TIMP2: variants seen among roughly 807,000 people sequenced by gnomAD.
The protein encoded by TIMP2 is TIMP metallopeptidase inhibitor 2, also known as metalloproteinase inhibitor 2.
Under a neutral mutation model 24.3 loss-of-function variants are expected in TIMP2, and 5 were observed. The observed-to-expected ratio is 0.21, with a 90% confidence interval of 0.11 to 0.43. The LOEUF is 0.43. TIMP2 is among the 20% of genes least tolerant of loss of function. The pLI is 1.00. For synonymous variants in TIMP2, 130 were observed against 123.2 expected (o/e 1.06, Z -0.37); for missense variants, 221 against 297.5 (o/e 0.74, Z 1.89).
intron 1 of TIMP2, among the ~76,000 whole-genome samples, chr17:78,874,665 T>A (rs2069713980): frequency 6.6e-6 from 1 of 152,046 alleles, no homozygotes; most frequent in East Asian, 1.9e-4. Flanking sequence ...GCAACCTCTA[T>A]CTCCCAGGTT....
At chr17:78,875,442 A>G (rs1018005451) in intron 1 of TIMP2, among the ~76,000 whole-genome samples, 10 of 152,278 alleles carry the variant, frequency 6.6e-5, no homozygotes, top group Non-Finnish European at 8.8e-5. Context: ...GCTTTCTCCT[A>G]GCAATTAAGC....
chr17:78,892,096 A>T (rs1282984860), intron 1 of TIMP2: 1 of 1,551,684 alleles, frequency 6.4e-7, no homozygotes. Context: ...AGCCCAACAG[A>T]CGTGCTGACT....
intron 1 of TIMP2, among the ~76,000 whole-genome samples, chr17:78,876,822 C>T (rs1408380345): frequency 1.3e-5 from 2 of 152,140 alleles, no homozygotes; most frequent in Non-Finnish European, 2.9e-5. Flanking sequence ...CCACCACACC[C>T]AGCCTGAACA....
chr17:78,898,742 C>T (rs2070041777), intron 1 of TIMP2: 1 of 152,050 alleles, frequency 6.6e-6, no homozygotes, highest in Non-Finnish European at 1.5e-5. Context: ...TTTTTCTTTT[C>T]TTTTTTCTTT....
chr17:78,879,787 C>G (rs1006938651), intron 1 of TIMP2, among the ~76,000 whole-genome samples: 1 of 152,178 alleles, frequency 6.6e-6, no homozygotes, highest in Non-Finnish European at 1.5e-5. Flanking sequence ...CTGGAATGTA[C>G]AACCGTCGGC....
intron 1 of TIMP2, among the ~76,000 whole-genome samples, chr17:78,914,294 T>C (rs1273601593): frequency 1.3e-5 from 2 of 151,712 alleles, no homozygotes; most frequent in African/African-American, 4.9e-5. Flanking sequence ...TATTTATTTA[T>C]TTGAGATGGA....
chr17:78,874,013 C>G, intron 1 of TIMP2, 94 bp from the exon 2 acceptor site: 1 of 1,184,718 alleles, frequency 8.4e-7, no homozygotes. Context: ...GCGGGAGGTG[C>G]TGGGGGGTTA....
chr17:78,874,931 G>T (rs550798942), intron 1 of TIMP2, among the ~76,000 whole-genome samples: 18 of 152,232 alleles, frequency 1.2e-4, no homozygotes, highest in African/African-American at 4.1e-4. Context: ...AGTAGAGAAA[G>T]CGTTTCGCCA....
In TIMP2 at chr17:78,855,889, A is replaced by C; in HGVS notation, c.466-25T>G. ...TCTGGGGAGGGGCACACGGAGGGGG[A>C]CGGAGTCAGGGACCCAGGAAGGGGT... On this transcript the variant is annotated intron_variant, in intron 4 of 4. Transcript: ENST00000262768. This position sits in a 1 kb window ranked among gnomAD's most constrained non-coding sequence, Gnocchi z 6.0. 6.2e-7 allele frequency: 1 copy of C among 1,610,628 alleles called. No individual in the cohort carries two copies. The highest frequency in any genetic ancestry group is 8.5e-7 in the Non-Finnish European group (1 of 1,177,896).
chr17:78,856,231 C>T (rs2069523942), intron 4 of TIMP2: 1 of 257,268 alleles, frequency 3.9e-6, no homozygotes. Context: ...CAGTGTTGCT[C>T]GCAAGCCGAG....
In TIMP2 at chr17:78,920,322, G is replaced by A. The variant is rs1051353085; in HGVS notation, c.130+4637C>T. ...CCAAGCCCACCTGCAGCTCACAAAC[G>A]ACAGGCCAGGACTGCGTACGTGGCT... On this transcript the variant is annotated intron_variant, in intron 1 of 4. Coordinates refer to ENST00000262768, the MANE Select transcript of TIMP2 (RefSeq NM_003255.5). The surrounding 1 kb of genome is among the most constrained non-coding windows in gnomAD (Gnocchi z 4.5). Among the ~76,000 whole-genome samples the A allele has an allele frequency of 1.3e-5, 2 of 152,202 alleles. No individual in the cohort carries two copies. Among genetic ancestry groups the A allele is most frequent in the African/African-American group, 2.4e-5 (1 of 41,450 alleles).
At position 78,853,333 on chromosome 17, in the gene TIMP2, A is replaced by G. The variant is rs2069498990; in HGVS notation, c.*2334T>C. On this transcript the variant is annotated 3_prime_UTR_variant, in exon 5 of 5. Transcript: ENST00000262768. ...GCTGTGCTTAGAACATAACATATAAATTAAACGATGCCAAATGGAGAGCCT... is the reference window on the plus strand; with the variant it reads ...GCTGTGCTTAGAACATAACATATAAGTTAAACGATGCCAAATGGAGAGCCT... 6.6e-6 allele frequency: 1 copy of G among 152,646 alleles called. No homozygotes were observed. Among genetic ancestry groups the G allele is most frequent in the Admixed American group, 6.5e-5 (1 of 15,286 alleles). 9.5% of individuals were successfully genotyped at this position (152,646 alleles called of 1,614,324 possible).
intron 1 of TIMP2, among the ~76,000 whole-genome samples, chr17:78,883,423 T>A (rs2069796067): frequency 6.6e-6 from 1 of 152,138 alleles, no homozygotes; most frequent in African/African-American, 2.4e-5. Flanking sequence ...CCAGCATGAC[T>A]CAGGCCAGGG....
chr17:78,900,764 GA>G (rs1246636055), intron 1 of TIMP2, among the ~76,000 whole-genome samples: 1 of 152,120 alleles, frequency 6.6e-6, no homozygotes, highest in Non-Finnish European at 1.5e-5. Flanking sequence ...AATCTTACAA[GA>G]TAAAAAAAGG....
Position 78,857,584 on chromosome 17 carries a change from T to C in TIMP2, c.403A>G (p.Thr135Ala), listed in dbSNP as rs752340133. ...CTCTTCTTCTGGGTGGTGCTCAGGG[T>C]GTCCCAGGGCACGATGAAGTCACAG... ...TLCDFIVPWD[T>A]LSTTQKKSLN... Residue 135 changes from threonine (T) to alanine (A), a missense_variant, in exon 4 of 5, where the codon ACC (threonine) becomes GCC (alanine). Transcript: ENST00000262768. The C allele has an allele frequency of 1.2e-6, 2 of 1,614,126 alleles. No individual in the cohort carries two copies. Among genetic ancestry groups the C allele is most frequent in the Non-Finnish European group, 8.5e-7 (1 of 1,180,008 alleles).
chr17:78,870,204 T>G (rs968264036), intron 3 of TIMP2, among the ~76,000 whole-genome samples: 1 of 151,970 alleles, frequency 6.6e-6, no homozygotes, highest in Non-Finnish European at 1.5e-5. Flanking sequence ...TCACCTGAGG[T>G]CAGGAGTTCG....
In TIMP2 at chr17:78,891,235, C is replaced by A. The variant is rs1233022608; in HGVS notation, c.131-17316G>T. ...TCTGGGCCTTGCCCATGAACGTTTT[C>A]AAGTCGGTCTTGGACGCTGCCTGCT... is the stretch of plus-strand genomic sequence containing the variant. On this transcript the variant is annotated intron_variant, in intron 1 of 4. Transcript: ENST00000262768. The surrounding 1 kb of genome is among the most constrained non-coding windows in gnomAD (Gnocchi z 4.5). 21 of 1,550,546 alleles carry A rather than the reference C, an allele frequency of 1.4e-5. No individual in the cohort carries two copies. The highest frequency in any genetic ancestry group is 1.8e-5 in the Non-Finnish European group (21 of 1,147,028).
chr17:78,912,777 C>G (rs2070220569), intron 1 of TIMP2, among the ~76,000 whole-genome samples: 1 of 152,204 alleles, frequency 6.6e-6, no homozygotes, highest in African/African-American at 2.4e-5. Flanking sequence ...TTTCTATGAA[C>G]AGCCAGCTGG....
intron 2 of TIMP2, among the ~76,000 whole-genome samples, chr17:78,872,685 G>C (rs2069695914): frequency 6.6e-6 from 1 of 152,140 alleles, no homozygotes; most frequent in Non-Finnish European, 1.5e-5. Context: ...ACCCCTTTAT[G>C]AGGTCGTAAG....
Sources: gnomAD v4.1 joint callset for allele counts (sites outside exome capture counted in the v4.1 genomes callset) on GRCh38, gnomAD v4.1.1 for gene constraint, Gnocchi (gnomAD v3.1) non-coding constraint, MANE v1.5 for transcripts, NCBI Gene and HGNC (gene_info 2026-07-23, HGNC 2026-07-21) for gene names.